UNC79: variants seen among roughly 807,000 people sequenced by gnomAD.
UNC79 encodes the protein protein unc-79 homolog.
A neutral mutation model predicts 283.1 loss-of-function variants in UNC79; 37 were observed. The observed-to-expected ratio is 0.13, with a 90% CI of 0.10 to 0.17. The LOEUF (loss-of-function observed/expected upper bound fraction) is 0.17, where lower values mean the gene tolerates loss of function less well. Among genes scored for constraint, UNC79 ranks in the 10% least tolerant of loss-of-function variants. The pLI is 1.00. For synonymous variants in UNC79, 1,107 were observed against 1,200.2 expected (o/e 0.92, Z 1.61); for missense variants, 2,272 against 3,211.1 (o/e 0.71, Z 7.07).
At chr14:93,357,807 G>T (rs1374473727) in intron 1 of UNC79, among the ~76,000 whole-genome samples, 1 of 101,492 alleles carries the variant, frequency 9.9e-6, no homozygotes, top group Non-Finnish European at 2.0e-5. Flanking sequence ...ATGGATATAT[G>T]GATATATATA....
chr14:93,535,080 T>C (rs1459138048), intron 11 of UNC79, among the ~76,000 whole-genome samples: 1 of 152,184 alleles, frequency 6.6e-6, no homozygotes, highest in Non-Finnish European at 1.5e-5. Flanking sequence ...ATTATTTCAA[T>C]TCTGTGATTT....
chr14:93,632,485 G>A (rs1377886476), intron 31 of UNC79, among the ~76,000 whole-genome samples: 1 of 152,154 alleles, frequency 6.6e-6, no homozygotes, highest in Non-Finnish European at 1.5e-5. Context: ...GATCACTTGA[G>A]CCCAGGAATT....
rs187430719 is a variant in UNC79, at chr14:93,590,504, C to T, written c.3033-3176C>T. Among the ~76,000 whole-genome samples the T allele has an allele frequency of 2.3e-3, 355 of 152,234 alleles. 4 individuals are homozygous for T. The highest frequency in any genetic ancestry group is 8.2e-3 in the African/African-American group (341 of 41,530). On this transcript the variant is annotated intron_variant, in intron 22 of 48. Coordinates refer to ENST00000555664, the Ensembl canonical transcript of UNC79. ...TTAGGCAGACGCTCCATGAATTCAA[C>T]ATGGGAATACGAGATGGGCATTATT...
chr14:93,576,364 A>G (rs950833504), intron 17 of UNC79, among the ~76,000 whole-genome samples: 1 of 152,220 alleles, frequency 6.6e-6, no homozygotes, highest in African/African-American at 2.4e-5. Context: ...TCATACCCCA[A>G]ACCTCAGCAT....
intron 1 of UNC79, among the ~76,000 whole-genome samples, chr14:93,369,603 G>C (rs996236862): frequency 6.6e-6 from 1 of 152,220 alleles, no homozygotes; most frequent in Admixed American, 6.5e-5. Context: ...TAGAGGCTCA[G>C]TGTGAATGAG....
At chr14:93,446,340 A>C (rs2056457598) in intron 1 of UNC79, among the ~76,000 whole-genome samples, 1 of 150,768 alleles carries the variant, frequency 6.6e-6, no homozygotes, top group Admixed American at 6.6e-5. Context: ...AATATTCTCT[A>C]ATTTATCTTG....
At chr14:93,386,037 C>T (rs1027133681) in intron 1 of UNC79, among the ~76,000 whole-genome samples, 5 of 152,112 alleles carry the variant, frequency 3.3e-5, no homozygotes, top group African/African-American at 1.2e-4. Context: ...CAGTGGGCAT[C>T]CTTCTTGTTT....
rs773469433 is a variant in UNC79 at position 93,688,798 on chromosome 14, A to G, written c.7043A>G (p.Tyr2348Cys). The G allele has an allele frequency of 4.3e-6, 7 of 1,613,934 alleles. No homozygotes were observed. In the Admixed American group the frequency reaches 6.7e-5, roughly 15 times the overall value. Reference sequence around the variant, plus strand: ...AGAGATAACAAAGCTGTGATCCGCTATCTGCCTTGGCTTTATCATCCCCCC... The same window carrying G: ...AGAGATAACAAAGCTGTGATCCGCTGTCTGCCTTGGCTTTATCATCCCCCC... The change falls in exon 44 of 49, where the codon TAT (tyrosine) becomes TGT (cysteine). Residue 2348 changes from tyrosine (Y) to cysteine (C), a missense_variant. Transcript: ENST00000555664. This position sits in a 1 kb window ranked among gnomAD's most constrained non-coding sequence, Gnocchi z 4.0.
chr14:93,642,156 G>A (rs1392036206), intron 33 of UNC79, among the ~76,000 whole-genome samples: 1 of 152,120 alleles, frequency 6.6e-6, no homozygotes, highest in African/African-American at 2.4e-5. Context: ...CAGGCGCGGT[G>A]GCTCATGCCT....
chr14:93,520,193 GT>G (rs925956295), intron 7 of UNC79, among the ~76,000 whole-genome samples: 2 of 151,934 alleles, frequency 1.3e-5, no homozygotes, highest in Admixed American at 6.6e-5. Flanking sequence ...TAGGTTGACA[GT>G]TTTTTTCTTT....
chr14:93,432,573 ATAGT>A (rs1369142050), intron 1 of UNC79, among the ~76,000 whole-genome samples: 7 of 152,214 alleles, frequency 4.6e-5, no homozygotes, highest in African/African-American at 9.6e-5. Context: ...TCTCCTCTAA[ATAGT>A]TAGGAAGCTC....
At chr14:93,587,346 T>TG in intron 22 of UNC79, among the ~76,000 whole-genome samples, 1 of 152,312 alleles carries the variant, frequency 6.6e-6, no homozygotes, top group South Asian at 2.1e-4. Context: ...TGAGACATTT[T>TG]GAAAATTATA....
chr14:93,653,731 T>C lies in UNC79; in HGVS notation c.6084-11T>C. ...ATGACTTCGTGTCTTTTCTCCCCTGTTCAACTCCAGCATGATGGTTCCCGG... is the reference window on the plus strand; with the variant it reads ...ATGACTTCGTGTCTTTTCTCCCCTGCTCAACTCCAGCATGATGGTTCCCGG... On this transcript the variant is annotated splice_polypyrimidine_tract_variant and intron_variant, in intron 35 of 48. Transcript: ENST00000555664. 6.2e-7 allele frequency: 1 copy of C among 1,609,094 alleles called. No homozygotes were observed. The highest frequency in any genetic ancestry group is 8.5e-7 in the Non-Finnish European group (1 of 1,176,376).
chr14:93,434,221 A>G (rs1447986106), intron 1 of UNC79, among the ~76,000 whole-genome samples: 3 of 149,950 alleles, frequency 2.0e-5, no homozygotes, highest in Admixed American at 1.3e-4. Context: ...CTCAAAAAGA[A>G]AAAAAAAAAG....
At chr14:93,564,840 A>G (rs1003279961) in intron 14 of UNC79, among the ~76,000 whole-genome samples, 6 of 152,096 alleles carry the variant, frequency 3.9e-5, no homozygotes, top group African/African-American at 1.5e-4. Flanking sequence ...TCACAAGGTA[A>G]TGTCATCAGT....
In UNC79 at chr14:93,540,727, G is replaced by T. The variant is rs758178584; in HGVS notation, c.1420G>T (p.Gly474Cys). The change falls in exon 13 of 49, where the codon GGC (glycine) becomes TGC (cysteine). Residue 474 changes from glycine (G) to cysteine (C), a missense_variant. Gly to Cys is a radical substitution (Grantham distance 159). Transcript: ENST00000555664. ...TGAGCTGAACCGGCGGCGGCAGCTG[G>T]GCCTCTCCTCTTCCCACCATTCCCT... 7 of 1,613,782 alleles carry T rather than the reference G, an allele frequency of 4.3e-6. No individual in the cohort carries two copies. The Admixed American group carries it at 5.0e-5, about 12-fold the overall frequency.
intron 1 of UNC79, among the ~76,000 whole-genome samples, chr14:93,466,450 A>C (rs2057186659): frequency 6.6e-6 from 1 of 152,202 alleles, no homozygotes; most frequent in African/African-American, 2.4e-5. Flanking sequence ...AAATCTAAGT[A>C]CTAGTCTGGC....
At chr14:93,691,544 C>T (rs1332603808) in intron 45 of UNC79, 6 of 606,614 alleles carry the variant, frequency 9.9e-6, no homozygotes, top group African/African-American at 1.8e-5. Flanking sequence ...GTGCTTTGTT[C>T]TCTGAGCACA....
At chr14:93,355,694 G>T (rs1347094163) in intron 1 of UNC79, among the ~76,000 whole-genome samples, 1 of 152,130 alleles carries the variant, frequency 6.6e-6, no homozygotes, top group Non-Finnish European at 1.5e-5. Context: ...TTTCCATCCA[G>T]GTTCAGCTTC....
Sources: gnomAD v4.1 joint callset for allele counts (sites outside exome capture counted in the v4.1 genomes callset) on GRCh38, gnomAD v4.1.1 for gene constraint, Gnocchi (gnomAD v3.1) non-coding constraint, MANE v1.5 for transcripts, NCBI Gene and HGNC (gene_info 2026-07-23, HGNC 2026-07-21) for gene names.